MSRA: variants seen among roughly 807,000 people sequenced by gnomAD.
MSRA encodes the protein methionine sulfoxide reductase A.
A neutral mutation model predicts 31.3 loss-of-function variants in MSRA; 54 were observed. The observed-to-expected ratio is 1.73, with a 90% CI of 1.39 to 2.17. The LOEUF (loss-of-function observed/expected upper bound fraction) is 2.17. Among genes scored for constraint, MSRA ranks in the 30% most tolerant of loss-of-function variants. The pLI is 0.00. For missense variants in MSRA, 507 were observed against 300.9 expected (o/e 1.69, Z -5.07); for synonymous variants, 169 against 116.5 (o/e 1.45, Z -2.90).
intron 1 of MSRA, among the ~76,000 whole-genome samples, chr8:10,141,180 A>T (rs968907922): frequency 2.6e-5 from 4 of 152,158 alleles, no homozygotes; most frequent in African/African-American, 9.7e-5. Flanking sequence ...ACACCCACAG[A>T]AATGGGAGTG....
chr8:10,137,351 G>A (rs1031057669), intron 1 of MSRA, among the ~76,000 whole-genome samples: 6 of 151,972 alleles, frequency 3.9e-5, no homozygotes, highest in South Asian at 2.1e-4. Context: ...CATTTTTCAC[G>A]GCCATCATCT....
chr8:10,343,741 A>G (rs1004289605), intron 5 of MSRA, among the ~76,000 whole-genome samples: 1 of 152,230 alleles, frequency 6.6e-6, no homozygotes, highest in Non-Finnish European at 1.5e-5. Flanking sequence ...TTAAAACATC[A>G]TACATAAATT....
At chr8:10,259,182 G>C (rs1798339001) in intron 3 of MSRA, among the ~76,000 whole-genome samples, 1 of 151,890 alleles carries the variant, frequency 6.6e-6, no homozygotes, top group East Asian at 1.9e-4. Context: ...AGTTCTCAAT[G>C]CCCTGAAAAC....
At chr8:10,306,836 A>G (rs1801165955) in intron 4 of MSRA, among the ~76,000 whole-genome samples, 1 of 152,192 alleles carries the variant, frequency 6.6e-6, no homozygotes, top group African/African-American at 2.4e-5. Context: ...TTCACCCACT[A>G]AATCTGATTT....
At chr8:10,418,328 C>T (rs1437866778) in intron 5 of MSRA, among the ~76,000 whole-genome samples, 7 of 152,140 alleles carry the variant, frequency 4.6e-5, no homozygotes. Flanking sequence ...GCCATTCCTC[C>T]TTGCCACAAG....
chr8:10,176,827 C>G (rs1015878536), intron 1 of MSRA, among the ~76,000 whole-genome samples: 1 of 152,212 alleles, frequency 6.6e-6, no homozygotes, highest in African/African-American at 2.4e-5. Context: ...AGTGTTACAA[C>G]TGGAACTTCT....
chr8:10,415,384 G>T (rs1345260854), intron 5 of MSRA, among the ~76,000 whole-genome samples: 2 of 152,196 alleles, frequency 1.3e-5, no homozygotes, highest in Non-Finnish European at 2.9e-5. Context: ...CAGCCTTACA[G>T]ACCTTGCTGC....
intron 2 of MSRA, among the ~76,000 whole-genome samples, chr8:10,208,222 T>C (rs1290781722): frequency 6.6e-6 from 1 of 152,184 alleles, no homozygotes; most frequent in Non-Finnish European, 1.5e-5. Context: ...TTTTTTTTTT[T>C]TCCACATAGA....
At chr8:10,423,059 C>G (rs1194653114) in intron 5 of MSRA, among the ~76,000 whole-genome samples, 1 of 152,172 alleles carries the variant, frequency 6.6e-6, no homozygotes, top group African/African-American at 2.4e-5. Context: ...TATTGGAAGG[C>G]GCCTAAAGAT....
chr8:10,253,977 G>T (rs2975699), intron 3 of MSRA, among the ~76,000 whole-genome samples: 1 of 152,266 alleles, frequency 6.6e-6, no homozygotes, highest in African/African-American at 2.4e-5. Context: ...GCACCCAGAC[G>T]TGAGCGGAGC....
intron 5 of MSRA, among the ~76,000 whole-genome samples, chr8:10,397,748 G>C (rs1807188805): frequency 6.6e-6 from 1 of 152,240 alleles, no homozygotes; most frequent in African/African-American, 2.4e-5. Context: ...GGAACATGAA[G>C]ATGTTGTTGG....
chr8:10,159,359 A>G (rs1055980725), intron 1 of MSRA, among the ~76,000 whole-genome samples: 1 of 152,146 alleles, frequency 6.6e-6, no homozygotes, highest in African/African-American at 2.4e-5. Context: ...GGAGATCAGG[A>G]GTGGTCTCTG....
At chr8:10,338,823 T>A (rs1241062205) in intron 5 of MSRA, among the ~76,000 whole-genome samples, 1 of 152,192 alleles carries the variant, frequency 6.6e-6, no homozygotes, top group East Asian at 1.9e-4. Context: ...CCTGCAAAAC[T>A]GAGCTAGCAA....
chr8:10,200,498 C>T (rs1808399523), intron 1 of MSRA, among the ~76,000 whole-genome samples: 1 of 152,144 alleles, frequency 6.6e-6, no homozygotes, highest in African/African-American at 2.4e-5. Context: ...TCCTGGGGGA[C>T]TCCCTGCCTT....
chr8:10,266,187 T>A (rs147551933), intron 3 of MSRA, among the ~76,000 whole-genome samples: 1 of 152,332 alleles, frequency 6.6e-6, no homozygotes, highest in East Asian at 1.9e-4. Context: ...TCTGGAGTAG[T>A]TGTACCATTT....
intron 5 of MSRA, among the ~76,000 whole-genome samples, chr8:10,426,518 G>T (rs1184566722): frequency 6.6e-6 from 1 of 152,232 alleles, no homozygotes; most frequent in African/African-American, 2.4e-5. Context: ...CCTCACAGCT[G>T]CGCCCTGCAA....
chr8:10,398,495 A>G (rs1807243088), intron 5 of MSRA, among the ~76,000 whole-genome samples: 1 of 152,178 alleles, frequency 6.6e-6, no homozygotes, highest in African/African-American at 2.4e-5. Context: ...GGGCTTGACT[A>G]CTGGGATTGC....
In MSRA at chr8:10,309,860, C is replaced by T. The variant is rs895723386; in HGVS notation, c.436+8222C>T. Among the ~76,000 whole-genome samples the T allele has an allele frequency of 5.3e-5, 8 of 152,144 alleles. No individual in the cohort carries two copies. In the South Asian group the frequency reaches 1.0e-3, roughly 20 times the overall value. ...TTTTTTCCAGGTGGTCCCAGGGAAT[C>T]GGGTGGGATAGGTCCACTCCGTGTT... On this transcript the variant is annotated intron_variant, in intron 4 of 5. Transcript: ENST00000317173.
intron 3 of MSRA, among the ~76,000 whole-genome samples, chr8:10,293,549 A>T (rs558995914): frequency 6.6e-6 from 1 of 152,030 alleles, no homozygotes; most frequent in Non-Finnish European, 1.5e-5. Flanking sequence ...TTGATATTTG[A>T]ATGATTTTGG....
Sources: allele counts gnomAD v4.1 joint callset (sites outside exome capture counted in the v4.1 genomes callset), GRCh38; gene constraint gnomAD v4.1.1; transcripts MANE v1.5; gene names NCBI Gene and HGNC (gene_info 2026-07-23, HGNC 2026-07-21).